The following TSPAN14 variants were observed in gnomAD, a reference collection of about 807,000 sequenced individuals.
The protein encoded by TSPAN14 is tetraspanin 14.
Under a neutral mutation model 36.6 loss-of-function variants are expected in TSPAN14, and 16 were observed. The ratio of observed to expected loss-of-function variants is 0.44; its 90% confidence interval spans 0.30 to 0.66. The LOEUF is 0.66. TSPAN14 is among the 30% of genes least tolerant of loss of function. The pLI, the probability that TSPAN14 is intolerant of heterozygous loss-of-function variation, is 0.12. For synonymous variants in TSPAN14, 139 were observed against 143.8 expected, an observed-to-expected ratio of 0.97 and a Z score of 0.24; for missense variants, 231 against 355.1, an observed-to-expected ratio of 0.65 and a Z score of 2.81.
intron 1 of TSPAN14, among the ~76,000 whole-genome samples, chr10:80,488,719 C>G (rs1004723352): frequency 6.6e-6 from 1 of 152,176 alleles, no homozygotes; most frequent in African/African-American, 2.4e-5. Flanking sequence ...ACGTTCATCT[C>G]CCAAACATGG....
chr10:80,512,272 G>A lies in TSPAN14; in HGVS notation c.576+3G>A. On this transcript the variant is annotated splice_donor_region_variant and intron_variant, in intron 6 of 8. Transcript: ENST00000429989. Reference sequence around the variant, plus strand: ...CCTGCTGCGTGCCAGATCCTGCGGTGAGTTGGCTTGTGCTGGGGCACAGGG... The same window carrying A: ...CCTGCTGCGTGCCAGATCCTGCGGTAAGTTGGCTTGTGCTGGGGCACAGGG... The A allele has an allele frequency of 6.2e-7, 1 of 1,613,572 alleles. No homozygotes were observed. The highest frequency in any genetic ancestry group is 8.5e-7 in the Non-Finnish European group (1 of 1,179,996).
chr10:80,505,335 A>G (rs1840228331), intron 3 of TSPAN14, among the ~76,000 whole-genome samples: 7 of 151,808 alleles, frequency 4.6e-5, no homozygotes, highest in Non-Finnish European at 8.8e-5. Context: ...CAGGAAGGGG[A>G]TGAGACTGGA....
chr10:80,464,796 C>T (rs781649540), intron 1 of TSPAN14, among the ~76,000 whole-genome samples: 138 of 152,216 alleles, frequency 9.1e-4, no homozygotes, highest in Non-Finnish European at 1.5e-3. Flanking sequence ...GACCTGGGGC[C>T]TCACAGTGGA....
Position 80,504,781 on chromosome 10 carries a change from A to G in TSPAN14, c.132+3A>G, listed in dbSNP as rs1348315534. 4 of 1,614,048 alleles carry G rather than the reference A, an allele frequency of 2.5e-6. No homozygotes were observed. The highest frequency in any genetic ancestry group is 1.1e-5 in the South Asian group (1 of 91,090). On this transcript the variant is annotated splice_donor_region_variant and intron_variant, in intron 3 of 8. Coordinates refer to ENST00000429989, the Ensembl canonical transcript of TSPAN14. ...GGCTGTGGGCATGGAGCGAAAAGGT[A>G]GGTGTAACTGTCGCAGGACACTGAG... is the stretch of plus-strand genomic sequence containing the variant.
intron 3 of TSPAN14, among the ~76,000 whole-genome samples, chr10:80,506,965 A>G (rs914173227): frequency 1.3e-5 from 2 of 152,230 alleles, no homozygotes; most frequent in African/African-American, 4.8e-5. Flanking sequence ...CAGGCTGCAG[A>G]AGAAGCCTGG....
intron 1 of TSPAN14, among the ~76,000 whole-genome samples, chr10:80,463,920 A>G (rs1264910660): frequency 6.6e-6 from 1 of 152,248 alleles, no homozygotes; most frequent in Non-Finnish European, 1.5e-5. Flanking sequence ...ACCCAAGTCC[A>G]TCTTTGGTTC....
At chr10:80,467,102 G>A (rs953386432) in intron 1 of TSPAN14, among the ~76,000 whole-genome samples, 11 of 152,030 alleles carry the variant, frequency 7.2e-5, no homozygotes, top group African/African-American at 2.4e-4. Context: ...TTTATATTTC[G>A]GTATCTTATT....
At chr10:80,495,088 C>T (rs890875229) in intron 2 of TSPAN14, among the ~76,000 whole-genome samples, 1 of 152,094 alleles carries the variant, frequency 6.6e-6, no homozygotes, top group African/African-American at 2.4e-5. Context: ...TTAGAAATTC[C>T]CATATTGGAC....
At chr10:80,521,364 T>C (rs1210772588) in exon 9 of TSPAN14, 1 of 158,676 alleles carries the variant, frequency 6.3e-6, no homozygotes, top group African/African-American at 2.4e-5. Context: ...TGTCACCCGC[T>C]GGTCCAGAGC....
intron 1 of TSPAN14, among the ~76,000 whole-genome samples, chr10:80,472,595 T>C (rs926506344): frequency 2.0e-5 from 3 of 152,270 alleles, no homozygotes; most frequent in Non-Finnish European, 4.4e-5. Flanking sequence ...GTCGGTTGTT[T>C]CTGTCATGGG....
chr10:80,478,111 A>G lies in TSPAN14; in HGVS notation c.-17-11106A>G, dbSNP rs1342568238. ...TGAAGGAAAGCAAAACAAATGAAAA[A>G]AAGCAATTTGAAAGGAAGTCTATTT... is the stretch of plus-strand genomic sequence containing the variant. On this transcript the variant is annotated intron_variant, in intron 1 of 8. Transcript: ENST00000429989. Among the ~76,000 whole-genome samples, 9 of 152,358 alleles carry G rather than the reference A, an allele frequency of 5.9e-5. No homozygotes were observed. The East Asian group carries it at 1.7e-3, about 29-fold the overall frequency.
intron 1 of TSPAN14, chr10:80,485,498 G>A (rs1847537271): frequency 9.0e-6 from 3 of 333,936 alleles, no homozygotes; most frequent in Non-Finnish European, 1.3e-5. Flanking sequence ...CATACCTGTT[G>A]TGCAGCTCCA....
chr10:80,507,050 G>T (rs1410740956), intron 3 of TSPAN14, 178 bp from the exon 4 acceptor site: 6 of 702,594 alleles, frequency 8.5e-6, no homozygotes, highest in Non-Finnish European at 1.4e-5. Flanking sequence ...GGCAGGGATC[G>T]CCTGGTCGGA....
At chr10:80,468,136 T>C (rs1041800714) in intron 1 of TSPAN14, among the ~76,000 whole-genome samples, 1 of 152,146 alleles carries the variant, frequency 6.6e-6, no homozygotes, top group Non-Finnish European at 1.5e-5. Flanking sequence ...GTTTCTGCCC[T>C]TTATGTGCCT....
chr10:80,505,075 G>A (rs1840210210), intron 3 of TSPAN14, among the ~76,000 whole-genome samples: 1 of 152,224 alleles, frequency 6.6e-6, no homozygotes, highest in African/African-American at 2.4e-5. Flanking sequence ...TCCTGACCCT[G>A]TCTGTGCCTC....
At chr10:80,500,907 G>C (rs1319623690) in intron 2 of TSPAN14, among the ~76,000 whole-genome samples, 2 of 152,238 alleles carry the variant, frequency 1.3e-5, no homozygotes, top group Admixed American at 1.3e-4. Flanking sequence ...GCCCCTGAGG[G>C]TGGGGATATG....
chr10:80,504,315 A>G lies in TSPAN14; in HGVS notation c.82-413A>G, dbSNP rs189691235. On this transcript the variant is annotated intron_variant, in intron 2 of 8. Transcript: ENST00000429989. ...TCACCCTGTGGTGGTGCCTGGTCCT[A>G]TGCAGTCTCATCCTGTGTTGGGAAC... 2.2e-3 allele frequency among the ~76,000 whole-genome samples: 335 copies of G among 152,246 alleles called. 3 individuals carry two copies. In the Middle Eastern group the frequency reaches 0.048, roughly 22 times the overall value.
chr10:80,513,876 A>G, intron 6 of TSPAN14, 143 bp from the exon 7 acceptor site: 2 of 700,918 alleles, frequency 2.9e-6, no homozygotes, highest in Non-Finnish European at 5.1e-6. Context: ...CTGAAGGATT[A>G]GTTGGTGGCA....
In TSPAN14 at chr10:80,509,448, C is replaced by T. The variant is rs1414170655; in HGVS notation, c.427C>T (p.Leu143Phe). ...CCGGGACGATATCGATCTGCAAAACCTCATCGACTCCCTTCAGAAAGCTGT... is the reference window on the plus strand; with the variant it reads ...CCGGGACGATATCGATCTGCAAAACTTCATCGACTCCCTTCAGAAAGCTGT... Residue 143 changes from leucine (L) to phenylalanine (F), a missense_variant, in exon 5 of 9, where the codon CTC (leucine) becomes TTC (phenylalanine). Transcript: ENST00000429989. The surrounding 1 kb of genome is among the most constrained non-coding windows in gnomAD (Gnocchi z 4.7). 1 of 1,614,006 alleles carries T rather than the reference C, an allele frequency of 6.2e-7. No homozygotes were observed. Among genetic ancestry groups the T allele is most frequent in the Non-Finnish European group, 8.5e-7 (1 of 1,179,982 alleles).
Sources: gnomAD v4.1 joint callset for allele counts (sites outside exome capture counted in the v4.1 genomes callset) on GRCh38, gnomAD v4.1.1 for gene constraint, Gnocchi (gnomAD v3.1) non-coding constraint, MANE v1.5 for transcripts, NCBI Gene and HGNC (gene_info 2026-07-23, HGNC 2026-07-21) for gene names.